The following NUP98 variants were observed in gnomAD, a reference collection of about 807,000 sequenced individuals.
The protein encoded by NUP98 is nuclear pore complex protein Nup98-Nup96.
Under a neutral mutation model 191.9 loss-of-function variants are expected in NUP98, and 26 were observed. That is an observed-to-expected ratio of 0.14 (90% CI 0.10 to 0.19). NUP98 has a LOEUF of 0.19. Among genes scored for constraint, NUP98 ranks in the 10% least tolerant of loss-of-function variants. The probability of loss-of-function intolerance (pLI) is 1.00; values close to 1 mark genes in which losing one functional copy is unlikely to be tolerated. For synonymous variants in NUP98, 808 were observed against 778.4 expected, an observed-to-expected ratio of 1.04 and a Z score of -0.63; for missense variants, 1,941 against 2,178.8, an observed-to-expected ratio of 0.89 and a Z score of 2.17.
At chr11:3,753,864 A>G (rs2080860212) in intron 10 of NUP98, among the ~76,000 whole-genome samples, 1 of 147,974 alleles carries the variant, frequency 6.8e-6, no homozygotes, top group East Asian at 2.0e-4. Context: ...GTTTCAACCC[A>G]GGAGGCAAAG....
At position 3,760,557 on chromosome 11, in the gene NUP98, T is replaced by C. The variant is rs139501642; in HGVS notation, c.1156A>G (p.Thr386Ala). The C allele has an allele frequency of 7.4e-5, 119 of 1,613,920 alleles. No individual in the cohort carries two copies. Among genetic ancestry groups the C allele is most frequent in the South Asian group, 2.6e-4 (24 of 91,086 alleles). The change falls in exon 10 of 33, where the codon ACC becomes GCC. Residue 386 changes from threonine to alanine, a missense_variant. Physicochemically the swap from Thr to Ala is moderately conservative, Grantham distance 58. Coordinates refer to ENST00000324932, the MANE Select transcript of NUP98 (RefSeq NM_016320.5). The stretch of plus-strand genomic sequence containing the variant: ...TTGTTACCAAAGAGCCCGCCACTGG[T>C]TGTACCAAATGAAGGTGCACTGGTT... ...STTSAPSFGT[T>A]SGGLFGFGTN...
rs55821497 is a variant in NUP98, at chr11:3,720,832, C to CAAAAAAAAAAAAAAAAA, written c.2147-24_2147-8dup. The CAAAAAAAAAAAAAAAAA allele has an allele frequency of 1.0e-4, 38 of 376,152 alleles. No individual in the cohort carries two copies. The highest frequency in any genetic ancestry group is 3.6e-4 in the South Asian group (8 of 22,190). 23.3% of individuals were successfully genotyped at this position (376,152 alleles called of 1,614,324 possible). ...ACCTTAGTGAGAATAATACCTGTGA[C>CAAAAAAAAAAAAAAAAA]AAAAAAAAAAAAAAAAACAGAAAAA... On this transcript the variant is annotated splice_polypyrimidine_tract_variant and splice_region_variant and intron_variant, in intron 16 of 32. Transcript: ENST00000324932.
rs978841232 is a variant in NUP98 at position 3,792,692 on chromosome 11, A to G, written c.-29+4708T>C. Among the ~76,000 whole-genome samples the G allele has an allele frequency of 4.0e-5, 6 of 151,888 alleles. 1 individual carries two copies. The highest frequency in any genetic ancestry group is 7.4e-5 in the Non-Finnish European group (5 of 67,866). The stretch of plus-strand genomic sequence containing the variant: ...CAGTAAATCAATAATTTCAAAATCA[A>G]CATGCATCATGTTATAAAATCACAG... On this transcript the variant is annotated intron_variant, in intron 1 of 32. Transcript: ENST00000324932.
rs768842423 is a variant in NUP98 at position 3,712,605 on chromosome 11, A to G, written c.2701T>C (p.Leu901=). The G allele has an allele frequency of 1.1e-5, 17 of 1,613,956 alleles. No individual in the cohort carries two copies. Among genetic ancestry groups the G allele is most frequent in the Middle Eastern group, 1.7e-4 (1 of 6,018 alleles). The change falls in exon 20 of 33, where the codon TTG becomes CTG. Residue 901 remains leucine (L), a synonymous_variant. Transcript: ENST00000324932. ...GGTTTGCCATTAAGAGCCATCTGCA[A>G]GGGCGTAGTCTGGCTTGCAGGAGGC... is the stretch of plus-strand genomic sequence containing the variant. ...PLPPASQTTP[L]QMALNGKPAP... is the part of the protein sequence containing the mutation.
chr11:3,693,167 G>A (rs199556119), intron 27 of NUP98, 65 bp downstream of exon 27: 215 of 1,538,430 alleles, frequency 1.4e-4, no homozygotes, highest in Non-Finnish European at 1.8e-4. Flanking sequence ...TCCTGGCTCC[G>A]CTTCAATTTG....
intron 14 of NUP98, among the ~76,000 whole-genome samples, chr11:3,727,734 T>A (rs538751730): frequency 1.3e-5 from 2 of 152,166 alleles, no homozygotes; most frequent in African/African-American, 2.4e-5. Flanking sequence ...GAAAATTTTT[T>A]AAATATCAGC....
chr11:3,734,708 G>A (rs2079979155), intron 13 of NUP98, among the ~76,000 whole-genome samples: 1 of 152,144 alleles, frequency 6.6e-6, no homozygotes, highest in South Asian at 2.1e-4. Flanking sequence ...TTTTGGTTAT[G>A]CCACTTAAGA....
At chr11:3,689,684 A>G (rs1393073208) in intron 28 of NUP98, among the ~76,000 whole-genome samples, 1 of 152,046 alleles carries the variant, frequency 6.6e-6, no homozygotes, top group African/African-American at 2.4e-5. Context: ...CCTATTGCCC[A>G]GGCTGGAGTA....
At chr11:3,784,078 G>A (rs1422081243) in intron 1 of NUP98, among the ~76,000 whole-genome samples, 1 of 152,264 alleles carries the variant, frequency 6.6e-6, no homozygotes, top group East Asian at 1.9e-4. Context: ...TTCTGTGACA[G>A]AGATGATGAT....
chr11:3,721,355 C>T (rs1404171698), intron 16 of NUP98, among the ~76,000 whole-genome samples: 1 of 152,052 alleles, frequency 6.6e-6, no homozygotes, highest in Non-Finnish European at 1.5e-5. Context: ...TTTGCATAAA[C>T]CTCTTTTATT....
At chr11:3,683,712 A>C (rs938735798) in intron 29 of NUP98, among the ~76,000 whole-genome samples, 1 of 63,910 alleles carries the variant, frequency 1.6e-5, no homozygotes, top group African/African-American at 3.7e-5. Context: ...CTAATTTTGT[A>C]ATTTTAGTAG....
chr11:3,699,768 A>C lies in NUP98; in HGVS notation c.3743-420T>G, dbSNP rs139956536. ...CATTTGAAAAGACAATGAGACGATT[A>C]AGTAAATACAAAGAACTGAAGGAAC... On this transcript the variant is annotated intron_variant, in intron 24 of 32. Transcript: ENST00000324932. Among the ~76,000 whole-genome samples, 91 of 152,386 alleles carry C rather than the reference A, an allele frequency of 6.0e-4. 1 individual carries two copies. Among genetic ancestry groups the C allele is most frequent in the Middle Eastern group, 6.8e-3 (2 of 294 alleles).
At chr11:3,773,500 G>T in intron 6 of NUP98, 132 bp downstream of exon 6, 1 of 488,838 alleles carries the variant, frequency 2.0e-6, no homozygotes. Flanking sequence ...AAAATAATTT[G>T]GTTAATGTTA....
chr11:3,782,003 T>C, intron 2 of NUP98, 39 bp downstream of exon 2: 1 of 1,393,650 alleles, frequency 7.2e-7, no homozygotes, highest in Non-Finnish European at 1.0e-6. Context: ...GTAAGGGAGA[T>C]TAAGGTTTCT....
At chr11:3,749,876 T>G (rs1314660395) in intron 11 of NUP98, among the ~76,000 whole-genome samples, 1 of 152,170 alleles carries the variant, frequency 6.6e-6, no homozygotes. Flanking sequence ...TTGTATATAA[T>G]GTGAGCAACA....
At chr11:3,788,678 G>A (rs1465877316) in intron 1 of NUP98, among the ~76,000 whole-genome samples, 1 of 152,174 alleles carries the variant, frequency 6.6e-6, no homozygotes, top group Non-Finnish European at 1.5e-5. Flanking sequence ...GGGCACGGTG[G>A]CTCACGCATG....
chr11:3,773,018 A>T (rs983021752), intron 6 of NUP98, among the ~76,000 whole-genome samples: 5 of 152,116 alleles, frequency 3.3e-5, no homozygotes, highest in Non-Finnish European at 7.3e-5. Context: ...ACCAACTTTT[A>T]TTAAGCTGTA....
chr11:3,691,814 A>C (rs565215960), intron 27 of NUP98, among the ~76,000 whole-genome samples: 1 of 152,266 alleles, frequency 6.6e-6, no homozygotes, highest in African/African-American at 2.4e-5. Flanking sequence ...TTAGCCTCCC[A>C]AAGTGCTGGG....
rs1332629924 is a variant in NUP98 at position 3,725,028 on chromosome 11, T to C, written c.1847+75A>G. ...ATTCATCAAACTTCATAAATTTTCA[T>C]AAATTCCTAAGAATGTCTTAAAAAT... On this transcript the variant is annotated intron_variant, in intron 15 of 32. Transcript: ENST00000324932. 21 of 679,984 alleles carry C rather than the reference T, an allele frequency of 3.1e-5. No homozygotes were observed. The East Asian group carries it at 4.3e-4, about 14-fold the overall frequency. The allele number at this position is 679,984 out of a possible 1,614,324, so 42.1% of individuals were successfully genotyped here.
Sources: allele counts gnomAD v4.1 joint callset (sites outside exome capture counted in the v4.1 genomes callset), GRCh38; gene constraint gnomAD v4.1.1; transcripts MANE v1.5; gene names NCBI Gene and HGNC (gene_info 2026-07-23, HGNC 2026-07-21).